The following FIGNL2 variants were observed in gnomAD, a reference collection of about 807,000 sequenced individuals.
FIGNL2 encodes the protein fidgetin-like protein 2.
For synonymous variants in FIGNL2, 565 were observed against 484.0 expected, an observed-to-expected ratio of 1.17 and a Z score of -2.20; for missense variants, 1,060 against 950.2, an observed-to-expected ratio of 1.12 and a Z score of -1.52.
rs1459732149 is a variant in FIGNL2, at chr12:51,821,718, G to A, written c.696C>T (p.Thr232=). ...GGGGCGTGGGCGCGGGCAGGCCCGGGGTCAGGTAGGGGGCCGGGGGTGGGC... is the reference window on the plus strand; with the variant it reads ...GGGGCGTGGGCGCGGGCAGGCCCGGAGTCAGGTAGGGGGCCGGGGGTGGGC... ...PPGPPPAPYL[T]PGLPAPTPLP... The change falls in exon 2 of 2, where the codon ACC becomes ACT. Residue 232 remains threonine (T), a synonymous_variant. Transcript: ENST00000618634. 7.5e-7 allele frequency: 1 copy of A among 1,333,190 alleles called. No homozygotes were observed. Among genetic ancestry groups the A allele is most frequent in the Non-Finnish European group, 9.5e-7 (1 of 1,049,712 alleles). 82.6% of individuals were successfully genotyped at this position (1,333,190 alleles called of 1,614,324 possible). A position where few individuals can be genotyped will look rare whatever the true frequency, so the allele number is the denominator to read the frequency against.
rs1189342628 is a variant in FIGNL2, at chr12:51,818,141, T to C, written c.*2311A>G. 6.6e-6 allele frequency: 1 copy of C among 152,052 alleles called. No homozygotes were observed. The highest frequency in any genetic ancestry group is 1.5e-5 in the Non-Finnish European group (1 of 68,058). 9.4% of individuals were successfully genotyped at this position (152,052 alleles called of 1,614,324 possible). ...CCCCACTCCCTGCCCCTGGATTCTT[T>C]GGTATGCCTCCCCCCAGCATTACCA... is the stretch of plus-strand genomic sequence containing the variant. On this transcript the variant is annotated 3_prime_UTR_variant, in exon 2 of 2. Coordinates refer to ENST00000618634, the MANE Select transcript of FIGNL2 (RefSeq NM_001384995.1).
chr12:51,826,848 C>T (rs888354034), intron 1 of FIGNL2, among the ~76,000 whole-genome samples: 1 of 152,182 alleles, frequency 6.6e-6, no homozygotes, highest in Non-Finnish European at 1.5e-5. Flanking sequence ...TGCACACAGG[C>T]CCAGAACGAT....
chr12:51,837,142 C>G (rs1303867558), intron 1 of FIGNL2, among the ~76,000 whole-genome samples: 1 of 152,096 alleles, frequency 6.6e-6, no homozygotes, highest in Non-Finnish European at 1.5e-5. Flanking sequence ...GGGGGAAGCT[C>G]AAGACTAGAT....
chr12:51,820,536 C>G lies in FIGNL2; in HGVS notation c.1878G>C (p.Ala626=). 3.9e-6 allele frequency: 6 copies of G among 1,552,936 alleles called. No individual in the cohort carries two copies. In the Middle Eastern group the frequency reaches 1.0e-3, roughly 262 times the overall value. The change falls in exon 2 of 2, where the codon GCG becomes GCC. Residue 626 remains alanine (A), a synonymous_variant. Transcript: ENST00000618634. ...AGGCCCTAGGGCCCACCTTGGCCAGCGCCGCCTCCAGGTCCTTGTAGGAGA... is the reference window on the plus strand; with the variant it reads ...AGGCCCTAGGGCCCACCTTGGCCAGGGCCGCCTCCAGGTCCTTGTAGGAGA... ...RPLSYKDLEA[A]LAKVGPRASA... is the part of the protein sequence containing the mutation.
In FIGNL2 at chr12:51,822,442, G is replaced by A; in HGVS notation, c.-11-18C>T. 1.2e-6 allele frequency: 2 copies of A among 1,611,072 alleles called. No individual in the cohort carries two copies. The highest frequency in any genetic ancestry group is 2.2e-5 in the South Asian group (2 of 90,298). ...CAACAGAGCTGCGGGCAAGAGACAG[G>A]AGGTCTGGTGAGGTCTAGCCACCGA... On this transcript the variant is annotated intron_variant, in intron 1 of 1. Coordinates refer to ENST00000618634, the MANE Select transcript of FIGNL2 (RefSeq NM_001384995.1).
chr12:51,845,466 C>T, intron 1 of FIGNL2: 1 of 985,284 alleles, frequency 1.0e-6, no homozygotes, highest in Non-Finnish European at 1.2e-6. Context: ...CACCGCCCCC[C>T]CCCCACAGTC....
intron 1 of FIGNL2, chr12:51,841,551 C>T (rs1294749078): frequency 6.6e-6 from 1 of 152,266 alleles, no homozygotes; most frequent in Non-Finnish European, 1.5e-5. Context: ...CATTCCCACC[C>T]TCTTCCTCAA....
intron 1 of FIGNL2, among the ~76,000 whole-genome samples, chr12:51,841,106 G>T (rs1246880957): frequency 6.6e-6 from 1 of 152,128 alleles, no homozygotes; most frequent in Non-Finnish European, 1.5e-5. Flanking sequence ...TCCCAGCCCT[G>T]GGGGGGCTGA....
chr12:51,821,729 G>T lies in FIGNL2; in HGVS notation c.685C>A (p.Pro229Thr). The T allele has an allele frequency of 7.6e-7, 1 of 1,311,534 alleles. No individual in the cohort carries two copies. The highest frequency in any genetic ancestry group is 9.6e-7 in the Non-Finnish European group (1 of 1,038,022). 81.2% of individuals were successfully genotyped at this position (1,311,534 alleles called of 1,614,324 possible). Residue 229 changes from proline (P) to threonine (T), a missense_variant, in exon 2 of 2, where the codon CCC becomes ACC. By Grantham distance (38) the Pro-to-Thr change is conservative. Transcript: ENST00000618634. Reference protein sequence around the residue: ...LPPPPGPPPAPYLTPGLPAPT... With the variant: ...LPPPPGPPPATYLTPGLPAPT... ...GCGGGCAGGCCCGGGGTCAGGTAGG[G>T]GGCCGGGGGTGGGCCTGGGGGCGGC...
intron 1 of FIGNL2, among the ~76,000 whole-genome samples, chr12:51,834,956 T>C (rs1487519400): frequency 1.3e-5 from 2 of 152,206 alleles, no homozygotes; most frequent in Non-Finnish European, 2.9e-5. Flanking sequence ...TGGAAAGAGA[T>C]TCTCCCAAGG....
chr12:51,847,602 T>G (rs1291032217), intron 1 of FIGNL2: 3 of 984,360 alleles, frequency 3.0e-6, no homozygotes, highest in Non-Finnish European at 3.6e-6. Context: ...GGGCCGCCGC[T>G]GGGCGCAGGG....
intron 1 of FIGNL2, among the ~76,000 whole-genome samples, chr12:51,830,723 C>T (rs1342865128): frequency 1.3e-5 from 2 of 152,038 alleles, no homozygotes; most frequent in Admixed American, 6.6e-5. Flanking sequence ...AAACTCCTGA[C>T]CTCATGATTC....
chr12:51,840,078 C>T (rs993029833), intron 1 of FIGNL2, among the ~76,000 whole-genome samples: 1 of 152,196 alleles, frequency 6.6e-6, no homozygotes, highest in Non-Finnish European at 1.5e-5. Flanking sequence ...AAGTCAGTTC[C>T]CCTCCCTGAG....
chr12:51,841,453 C>G (rs1395315997), intron 1 of FIGNL2: 1 of 152,238 alleles, frequency 6.6e-6, no homozygotes, highest in Admixed American at 6.5e-5. Flanking sequence ...GATGCCACCC[C>G]CAGCAGTCTT....
At chr12:51,848,196 T>G (rs1248648792) in intron 1 of FIGNL2, 2 of 983,856 alleles carry the variant, frequency 2.0e-6, no homozygotes, top group African/African-American at 3.5e-5. Flanking sequence ...CCCGCAAACC[T>G]TGGCTCCCCA....
chr12:51,832,754 A>C (rs1163622112), intron 1 of FIGNL2, among the ~76,000 whole-genome samples: 1 of 151,944 alleles, frequency 6.6e-6, no homozygotes, highest in East Asian at 1.9e-4. Context: ...TCTCCCCTGC[A>C]CTCCGCACTT....
chr12:51,845,197 T>C (rs1336953435), intron 1 of FIGNL2, among the ~76,000 whole-genome samples: 1 of 152,220 alleles, frequency 6.6e-6, no homozygotes, highest in Non-Finnish European at 1.5e-5. Flanking sequence ...TGCCCTAGTA[T>C]TCCTGGGTTA....
chr12:51,839,488 T>A (rs531916387), intron 1 of FIGNL2, among the ~76,000 whole-genome samples: 3 of 152,306 alleles, frequency 2.0e-5, no homozygotes, highest in Admixed American at 2.0e-4. Flanking sequence ...TCTGCCTTCC[T>A]AATCCTTCTT....
chr12:51,827,391 T>C (rs959027729), intron 1 of FIGNL2, among the ~76,000 whole-genome samples: 2 of 135,282 alleles, frequency 1.5e-5, no homozygotes, highest in Admixed American at 7.3e-5. Flanking sequence ...TTTCTATTTG[T>C]TTTTTTTTTT....
Sources: gnomAD v4.1 joint callset for allele counts (sites outside exome capture counted in the v4.1 genomes callset) on GRCh38, gnomAD v4.1.1 for gene constraint, MANE v1.5 for transcripts, NCBI Gene and HGNC (gene_info 2026-07-23, HGNC 2026-07-21) for gene names.